CNTNAP5: variants seen among roughly 807,000 people sequenced by gnomAD.
CNTNAP5 encodes the protein contactin associated protein family member 5, also known as contactin-associated protein-like 5.
In CNTNAP5, 72 loss-of-function variants were observed where a neutral mutation model predicts 150.2. The ratio of observed to expected loss-of-function variants is 0.48; its 90% CI spans 0.40 to 0.58. The LOEUF (loss-of-function observed/expected upper bound fraction) is 0.58, where lower values mean the gene tolerates loss of function less well. CNTNAP5 is among the 20% of genes least tolerant of loss of function. The pLI, the probability that CNTNAP5 is intolerant of heterozygous loss-of-function variation, is 0.00. For missense variants in CNTNAP5, 1,636 were observed against 1,626.2 expected (o/e 1.01, Z -0.10); for synonymous variants, 672 against 619.8 (o/e 1.08, Z -1.25).
At chr2:124,644,225 A>G (rs1573518341) in intron 12 of CNTNAP5, among the ~76,000 whole-genome samples, 1 of 152,158 alleles carries the variant, frequency 6.6e-6, no homozygotes, top group Non-Finnish European at 1.5e-5. Context: ...TCCAGCTCAA[A>G]CCACCCTTCC....
intron 4 of CNTNAP5, among the ~76,000 whole-genome samples, chr2:124,427,828 A>G (rs1692276759): frequency 6.6e-6 from 1 of 151,988 alleles, no homozygotes; most frequent in East Asian, 1.9e-4. Context: ...GACCTGTTGA[A>G]TCCCCACTGC....
At chr2:124,370,504 T>C (rs1357314516) in intron 3 of CNTNAP5, among the ~76,000 whole-genome samples, 2 of 152,188 alleles carry the variant, frequency 1.3e-5, no homozygotes, top group Non-Finnish European at 1.5e-5. Flanking sequence ...GAAACAGCTC[T>C]GGACAGCAAC....
intron 19 of CNTNAP5, among the ~76,000 whole-genome samples, chr2:124,860,508 C>T (rs183733205): frequency 1.7e-4 from 18 of 108,322 alleles, no homozygotes; most frequent in African/African-American, 4.7e-4. Flanking sequence ...TCCTTCTTTC[C>T]TTCCTTCCTT....
At chr2:124,699,792 T>G (rs190726175) in intron 13 of CNTNAP5, among the ~76,000 whole-genome samples, 74 of 149,818 alleles carry the variant, frequency 4.9e-4, no homozygotes, top group African/African-American at 1.8e-3. Context: ...CCTTTCTTTC[T>G]TTTCTTTCTT....
chr2:124,220,644 G>T (rs1199943350), intron 1 of CNTNAP5, among the ~76,000 whole-genome samples: 2 of 152,128 alleles, frequency 1.3e-5, no homozygotes, highest in African/African-American at 4.8e-5. Context: ...TCTAAAGGCT[G>T]GGAAGTTGAA....
In CNTNAP5 at chr2:124,915,352, C is replaced by T. The variant is rs1678744440; in HGVS notation, c.*1064C>T. On this transcript the variant is annotated 3_prime_UTR_variant, in exon 24 of 24. Coordinates refer to ENST00000682447, the MANE Select transcript of CNTNAP5 (RefSeq NM_001367498.1). ...CTCAGCTTTAAAACAAAAATTAAAT[C>T]AGGAAAAAATGAAAAAAAAACTGCA... 6.0e-6 allele frequency: 1 copy of T among 165,930 alleles called. No individual in the cohort carries two copies. The highest frequency in any genetic ancestry group is 2.1e-4 in the South Asian group (1 of 4,794). 10.3% of individuals were successfully genotyped at this position (165,930 alleles called of 1,614,324 possible). A position where few individuals can be genotyped will look rare whatever the true frequency, so the allele number is the denominator to read the frequency against.
At chr2:124,822,878 G>A (rs1225579673) in intron 19 of CNTNAP5, among the ~76,000 whole-genome samples, 3 of 152,110 alleles carry the variant, frequency 2.0e-5, no homozygotes, top group Admixed American at 1.3e-4. Flanking sequence ...AGGTATCTGA[G>A]GTTAAAATGT....
At chr2:124,302,289 G>A (rs72964626) in intron 3 of CNTNAP5, among the ~76,000 whole-genome samples, 2 of 152,030 alleles carry the variant, frequency 1.3e-5, no homozygotes, top group Non-Finnish European at 2.9e-5. Context: ...GTAAAAGCAT[G>A]CTATCCCTAT....
intron 3 of CNTNAP5, among the ~76,000 whole-genome samples, chr2:124,341,675 A>T (rs1689619664): frequency 6.6e-6 from 1 of 152,174 alleles, no homozygotes; most frequent in Non-Finnish European, 1.5e-5. Context: ...AGTCTGCGGC[A>T]ATCTATACAC....
chr2:124,648,044 G>T (rs1363109304), intron 13 of CNTNAP5, 86 bp downstream of exon 13: 1 of 1,257,074 alleles, frequency 8.0e-7, no homozygotes, highest in African/African-American at 1.5e-5. Flanking sequence ...TGCCAAGAAG[G>T]GGGCTATAGT....
At chr2:124,741,736 GTATAGGAGTCTA>G (rs1680501113) in intron 13 of CNTNAP5, among the ~76,000 whole-genome samples, 1 of 152,080 alleles carries the variant, frequency 6.6e-6, no homozygotes, top group Admixed American at 6.6e-5. Flanking sequence ...TTAAATTCAA[GTATAGGAGTCTA>G]TATAGGCTGA....
intron 10 of CNTNAP5, among the ~76,000 whole-genome samples, chr2:124,545,730 T>C (rs7574777): frequency 0.11 from 16,895 of 152,008 alleles, 963 homozygotes; most frequent in South Asian, 0.16. Flanking sequence ...CATAAAGACC[T>C]ATACCAGACT....
At chr2:124,215,381 T>G (rs1686129158) in intron 1 of CNTNAP5, among the ~76,000 whole-genome samples, 1 of 152,200 alleles carries the variant, frequency 6.6e-6, no homozygotes, top group Non-Finnish European at 1.5e-5. Context: ...AGAATCATTT[T>G]AAAGAGTCAA....
At chr2:124,457,151 T>C (rs1359250719) in intron 6 of CNTNAP5, among the ~76,000 whole-genome samples, 1 of 152,118 alleles carries the variant, frequency 6.6e-6, no homozygotes, top group East Asian at 1.9e-4. Flanking sequence ...GGAGAAAATG[T>C]TCACAATCTA....
intron 12 of CNTNAP5, among the ~76,000 whole-genome samples, chr2:124,632,054 A>G (rs1032192979): frequency 7.9e-5 from 12 of 152,102 alleles, no homozygotes; most frequent in African/African-American, 2.9e-4. Context: ...TTAAAAAGTC[A>G]GATGCTGGCG....
intron 1 of CNTNAP5, among the ~76,000 whole-genome samples, chr2:124,056,934 T>C (rs567559339): frequency 7.6e-4 from 116 of 152,322 alleles, no homozygotes; most frequent in South Asian, 2.3e-3. Flanking sequence ...AGTTACTGTT[T>C]TCTATCAAAA....
intron 1 of CNTNAP5, among the ~76,000 whole-genome samples, chr2:124,209,346 A>C (rs1423132226): frequency 6.6e-6 from 1 of 152,178 alleles, no homozygotes; most frequent in Non-Finnish European, 1.5e-5. Flanking sequence ...CTCATCTGTC[A>C]AATGGTCACC....
At position 124,738,718 on chromosome 2, in the gene CNTNAP5, G is replaced by A. The variant is rs1430540490; in HGVS notation, c.2078-8511G>A. Among the ~76,000 whole-genome samples the A allele has an allele frequency of 3.4e-5, 5 of 145,742 alleles. No homozygotes were observed. The East Asian group carries it at 7.9e-4, about 23-fold the overall frequency. On this transcript the variant is annotated intron_variant, in intron 13 of 23. Coordinates refer to ENST00000682447, the MANE Select transcript of CNTNAP5 (RefSeq NM_001367498.1). ...TGTACTCTAGCCTGGGAGACAGAGTGAGACTCCATCAAAAAAAAAAAAAGA... is the reference window on the plus strand; with the variant it reads ...TGTACTCTAGCCTGGGAGACAGAGTAAGACTCCATCAAAAAAAAAAAAAGA...
At position 124,074,953 on chromosome 2, in the gene CNTNAP5, C is replaced by A. The variant is rs370712448; in HGVS notation, c.82+49221C>A. The stretch of plus-strand genomic sequence containing the variant: ...AGTTTGATTTAATCTTCTGGCAATG[C>A]AGGCAGTGTTCCTTGTGTCTGTGAA... On this transcript the variant is annotated intron_variant, in intron 1 of 23. Coordinates refer to ENST00000682447, the MANE Select transcript of CNTNAP5 (RefSeq NM_001367498.1). Among the ~76,000 whole-genome samples the A allele has an allele frequency of 1.8e-4, 28 of 152,202 alleles. 2 individuals carry two copies. In the South Asian group the frequency reaches 5.8e-3, roughly 32 times the overall value.
Sources: gnomAD v4.1 joint callset for allele counts (sites outside exome capture counted in the v4.1 genomes callset) on GRCh38, gnomAD v4.1.1 for gene constraint, MANE v1.5 for transcripts, NCBI Gene and HGNC (gene_info 2026-07-23, HGNC 2026-07-21) for gene names.